The following ABL2 variants were observed in gnomAD, a reference collection of about 807,000 sequenced individuals.
ABL2 encodes ABL proto-oncogene 2, non-receptor tyrosine kinase.
A neutral mutation model predicts 107.7 loss-of-function variants in ABL2; 49 were observed. The ratio of observed to expected loss-of-function variants is 0.45; its 90% CI spans 0.36 to 0.58. The LOEUF (loss-of-function observed/expected upper bound fraction) is 0.58. ABL2 is among the 20% of genes least tolerant of loss of function. The pLI is 0.00. For missense variants in ABL2, 1,245 were observed against 1,457.0 expected, an observed-to-expected ratio of 0.85 and a Z score of 2.37; for synonymous variants, 549 against 548.6, an observed-to-expected ratio of 1.00 and a Z score of -0.01.
rs997283988 is a variant in ABL2 at position 179,154,143 on chromosome 1, T to G, written c.158-20769A>C. 7.9e-5 allele frequency among the ~76,000 whole-genome samples: 12 copies of G among 152,226 alleles called. 1 individual carries two copies. The highest frequency in any genetic ancestry group is 4.6e-4 in the Admixed American group (7 of 15,272). On this transcript the variant is annotated intron_variant, in intron 1 of 11. Coordinates refer to ENST00000502732, the MANE Select transcript of ABL2 (RefSeq NM_007314.4). Reference sequence around the variant, plus strand: ...CTCCTCATTATTTCCTTGCCTGAACTGCTACAACATTCATTTATCACATTA... The same window carrying G: ...CTCCTCATTATTTCCTTGCCTGAACGGCTACAACATTCATTTATCACATTA...
At chr1:179,149,961 G>T (rs1449039982) in intron 1 of ABL2, among the ~76,000 whole-genome samples, 1 of 152,186 alleles carries the variant, frequency 6.6e-6, no homozygotes, top group Non-Finnish European at 1.5e-5. Context: ...GCCGGGCATG[G>T]TGTCTCATGC....
rs1451378073 is a variant in ABL2 at position 179,211,888 on chromosome 1, T to C, written c.157+17353A>G. On this transcript the variant is annotated intron_variant, in intron 1 of 11. Transcript: ENST00000502732. ...CACCTCCGTGGAATAAAATCTGCAC[T>C]GTAACATGCCAGGTACAATATCTCT... Among the ~76,000 whole-genome samples the C allele has an allele frequency of 3.9e-5, 6 of 152,310 alleles. No individual in the cohort carries two copies. The East Asian group carries it at 9.6e-4, about 24-fold the overall frequency.
chr1:179,165,901 T>G (rs536241127), intron 1 of ABL2, among the ~76,000 whole-genome samples: 1 of 152,236 alleles, frequency 6.6e-6, no homozygotes, highest in East Asian at 1.9e-4. Context: ...GTTCCGGCGA[T>G]TCTCCTGTCT....
At chr1:179,120,040 G>A (rs560369876) in intron 6 of ABL2, 150 bp downstream of exon 6, 16 of 487,344 alleles carry the variant, frequency 3.3e-5, no homozygotes, top group Non-Finnish European at 5.5e-5. Context: ...AAAGGCCCAG[G>A]CGGAAGTATC....
At position 179,229,652 on chromosome 1, in the gene ABL2, G is replaced by A. The variant is rs1304997708; in HGVS notation, c.-255C>T. The A allele has an allele frequency of 1.9e-5, 9 of 463,158 alleles. No homozygotes were observed. Among genetic ancestry groups the A allele is most frequent in the South Asian group, 3.1e-5 (1 of 31,976 alleles). 28.7% of individuals were successfully genotyped at this position (463,158 alleles called of 1,614,324 possible). A position where few individuals can be genotyped will look rare whatever the true frequency, so the allele number is the denominator to read the frequency against. ...CCCCAACGCCGCCGCCGCCGCCGCC[G>A]CCACCGCCGCCGCCATCTTTAAACC... On this transcript the variant is annotated 5_prime_UTR_variant, in exon 1 of 12. Transcript: ENST00000502732.
intron 1 of ABL2, among the ~76,000 whole-genome samples, chr1:179,183,531 C>G (rs1490605643): frequency 6.6e-6 from 1 of 151,978 alleles, no homozygotes; most frequent in Non-Finnish European, 1.5e-5. Flanking sequence ...CAATTAATCA[C>G]AAAGCAACAA....
chr1:179,194,038 G>T (rs1486303007), intron 1 of ABL2, among the ~76,000 whole-genome samples: 2 of 152,070 alleles, frequency 1.3e-5, no homozygotes, highest in Admixed American at 1.3e-4. Flanking sequence ...GGACTGGTGA[G>T]GAACAGTTTT....
chr1:179,214,520 AT>A (rs1256715549), intron 1 of ABL2, among the ~76,000 whole-genome samples: 25 of 2,862 alleles, frequency 8.7e-3, no homozygotes, highest in Admixed American at 5.7e-3. Context: ...TTAAAATGAC[AT>A]ATATATATAT....
intron 1 of ABL2, among the ~76,000 whole-genome samples, chr1:179,211,967 T>C (rs2130576): frequency 0.34 from 52,157 of 151,928 alleles, 9,391 homozygotes; most frequent in East Asian, 0.48. Flanking sequence ...ATTCTCACGC[T>C]ACTGTGAAGA....
rs751795676 is a variant in ABL2, at chr1:179,131,305, C to T, written c.391+6G>A. 1.9e-6 allele frequency: 3 copies of T among 1,612,250 alleles called. No homozygotes were observed. The South Asian group carries it at 3.3e-5, about 18-fold the overall frequency. On this transcript the variant is annotated splice_donor_region_variant and intron_variant, in intron 3 of 11. Coordinates refer to ENST00000502732, the MANE Select transcript of ABL2 (RefSeq NM_007314.4). ...AAAGTGAAAGGATGCTACATAGAAG[C>T]CTCACCTTTAGTGATGCTGAGTGTG...
intron 1 of ABL2, among the ~76,000 whole-genome samples, chr1:179,160,303 C>A (rs866442096): frequency 7.9e-5 from 12 of 151,806 alleles, no homozygotes; most frequent in Non-Finnish European, 1.6e-4. Flanking sequence ...CACCTGAGGC[C>A]AGGAGTTCAA....
At position 179,107,067 on chromosome 1, in the gene ABL2, T is replaced by C. The variant is rs1413772371; in HGVS notation, c.*651A>G. On this transcript the variant is annotated 3_prime_UTR_variant, in exon 12 of 12. Coordinates refer to ENST00000502732, the MANE Select transcript of ABL2 (RefSeq NM_007314.4). ...ATTTTAGAAGGTTTTCAATTTCTGA[T>C]TCAACTTTCCAGCATTCTTTACTTC... 4.3e-6 allele frequency: 1 copy of C among 230,202 alleles called. No homozygotes were observed. Among genetic ancestry groups the C allele is most frequent in the Non-Finnish European group, 8.6e-6 (1 of 116,234 alleles). 14.3% of individuals were successfully genotyped at this position (230,202 alleles called of 1,614,324 possible).
chr1:179,206,588 A>G lies in ABL2; in HGVS notation c.157+22653T>C, dbSNP rs146020322. Among the ~76,000 whole-genome samples the G allele has an allele frequency of 7.3e-3, 1,112 of 152,072 alleles. 13 individuals are homozygous for G. The highest frequency in any genetic ancestry group is 0.014 in the Middle Eastern group (4 of 294). On this transcript the variant is annotated intron_variant, in intron 1 of 11. Coordinates refer to ENST00000502732, the MANE Select transcript of ABL2 (RefSeq NM_007314.4). ...ATATAATAGCATCCATCTAGGGGGA[A>G]AAAAAAAGAATGGGGAGAATATACA...
In ABL2 at chr1:179,104,038, T is replaced by A. The variant is rs529946732; in HGVS notation, c.*3680A>T. On this transcript the variant is annotated 3_prime_UTR_variant, in exon 12 of 12. Transcript: ENST00000502732. ...ATCTGGAGTGGGGCTATTCCGTCAG[T>A]TTTTTTTGTTTGTTTTGTTTTGTTT... The A allele has an allele frequency of 4.3e-6, 1 of 232,128 alleles. No individual in the cohort carries two copies. Among genetic ancestry groups the A allele is most frequent in the African/African-American group, 2.2e-5 (1 of 45,176 alleles). 14.4% of individuals were successfully genotyped at this position (232,128 alleles called of 1,614,324 possible).
rs148318387 is a variant in ABL2, at chr1:179,115,434, T to C, written c.1409-404A>G. On this transcript the variant is annotated intron_variant, in intron 8 of 11. Coordinates refer to ENST00000502732, the MANE Select transcript of ABL2 (RefSeq NM_007314.4). ...CACAGTCAACCAAGGTCCAAAAATATTAAATAGAAAATTCCAGAAATAAAC... is the reference window on the plus strand; with the variant it reads ...CACAGTCAACCAAGGTCCAAAAATACTAAATAGAAAATTCCAGAAATAAAC... 1.5e-3 allele frequency among the ~76,000 whole-genome samples: 227 copies of C among 152,274 alleles called. 1 individual carries two copies. Among genetic ancestry groups the C allele is most frequent in the African/African-American group, 5.1e-3 (214 of 41,560 alleles).
intron 1 of ABL2, among the ~76,000 whole-genome samples, chr1:179,200,927 G>T (rs930795501): frequency 6.6e-6 from 1 of 152,318 alleles, no homozygotes; most frequent in Admixed American, 6.5e-5. Flanking sequence ...AACAACATGT[G>T]TAAAATGCTG....
rs1409402180 is a variant in ABL2 at position 179,100,931 on chromosome 1, G to A, written c.*6787C>T. The A allele has an allele frequency of 4.3e-6, 1 of 232,836 alleles. No individual in the cohort carries two copies. The highest frequency in any genetic ancestry group is 8.5e-6 in the Non-Finnish European group (1 of 117,796). 14.4% of individuals were successfully genotyped at this position (232,836 alleles called of 1,614,324 possible). On this transcript the variant is annotated 3_prime_UTR_variant, in exon 12 of 12. Transcript: ENST00000502732. ...GGTAAACAATTTCAAAGTTAGAGAT[G>A]TACATGGGGATGAAGAAGTAAGTGC...
chr1:179,107,316 T>C lies in ABL2; in HGVS notation c.*402A>G, dbSNP rs908359524. 4.2e-6 allele frequency: 1 copy of C among 238,460 alleles called. No individual in the cohort carries two copies. Among genetic ancestry groups the C allele is most frequent in the East Asian group, 6.0e-5 (1 of 16,572 alleles). The allele number at this position is 238,460 out of a possible 1,614,324, so 14.8% of individuals were successfully genotyped here. A position where few individuals can be genotyped will look rare whatever the true frequency, so the allele number is the denominator to read the frequency against. On this transcript the variant is annotated 3_prime_UTR_variant, in exon 12 of 12. Coordinates refer to ENST00000502732, the MANE Select transcript of ABL2 (RefSeq NM_007314.4). ...GTCCCACCAAATTCATTAGGTAAATTGGAGCATAATCACCATTAGTACCTA... is the reference window on the plus strand; with the variant it reads ...GTCCCACCAAATTCATTAGGTAAATCGGAGCATAATCACCATTAGTACCTA...
chr1:179,186,436 T>C lies in ABL2; in HGVS notation c.157+42805A>G, dbSNP rs370131843. ...TCTTCTTGCCCAGGCTAGAGTGCAA[T>C]GGCGTGATCTTGGCTCACTGAAATC... On this transcript the variant is annotated intron_variant, in intron 1 of 11. Coordinates refer to ENST00000502732, the MANE Select transcript of ABL2 (RefSeq NM_007314.4). Among the ~76,000 whole-genome samples, 80 of 152,224 alleles carry C rather than the reference T, an allele frequency of 5.3e-4. 3 individuals carry two copies. The South Asian group carries it at 0.016, about 30-fold the overall frequency.
Sources: allele counts gnomAD v4.1 joint callset (sites outside exome capture counted in the v4.1 genomes callset), GRCh38; gene constraint gnomAD v4.1.1; transcripts MANE v1.5; gene names NCBI Gene and HGNC (gene_info 2026-07-23, HGNC 2026-07-21).